Variants in GALNT17 observed in about 807,000 individuals in gnomAD.
The protein encoded by GALNT17 is UDP-GalNAc:polypeptide N-acetylgalactosaminyltransferase-like 3.
Under a neutral mutation model 63.7 loss-of-function variants are expected in GALNT17, and 29 were observed. The ratio of observed to expected loss-of-function variants is 0.46; its 90% CI spans 0.34 to 0.62. GALNT17 has a LOEUF of 0.62. Ranked by LOEUF, GALNT17 falls within the 20% of genes least tolerant of loss-of-function variation. The pLI, the probability that GALNT17 is intolerant of heterozygous loss-of-function variation, is 0.01. For synonymous variants in GALNT17, 305 were observed against 318.3 expected (o/e 0.96, Z 0.45); for missense variants, 603 against 799.6 (o/e 0.75, Z 2.97).
rs556071428 is a variant in GALNT17 at position 71,567,610 on chromosome 7, G to A, written c.963-3675G>A. Among the ~76,000 whole-genome samples the A allele has an allele frequency of 4.6e-5, 7 of 152,254 alleles. No homozygotes were observed. In the South Asian group the frequency reaches 1.5e-3, roughly 32 times the overall value. On this transcript the variant is annotated intron_variant, in intron 5 of 10. Transcript: ENST00000333538. The stretch of plus-strand genomic sequence containing the variant: ...CTCCTCAATAGCTGGGGTTACAGGT[G>A]CACACCACCACGCCCAGCTAATTTT...
intron 1 of GALNT17, among the ~76,000 whole-genome samples, chr7:71,159,681 TGTGAGCCCCC>T (rs954541528): frequency 2.4e-4 from 36 of 148,836 alleles, no homozygotes; most frequent in African/African-American, 8.1e-4. Context: ...GCTTACCACT[TGTGAGCCCCC>T]AACATGCCTG....
intron 3 of GALNT17, among the ~76,000 whole-genome samples, chr7:71,395,953 A>T (rs1583916721): frequency 6.6e-6 from 1 of 152,150 alleles, no homozygotes; most frequent in Non-Finnish European, 1.5e-5. Context: ...TTGACTTTTT[A>T]AATTATTGAC....
chr7:71,163,383 T>A (rs1788382939), intron 1 of GALNT17, among the ~76,000 whole-genome samples: 1 of 152,138 alleles, frequency 6.6e-6, no homozygotes, highest in South Asian at 2.1e-4. Flanking sequence ...GCTTTGCCTA[T>A]GAGGTTGCTA....
intron 9 of GALNT17, among the ~76,000 whole-genome samples, chr7:71,695,715 A>G (rs1791529601): frequency 6.6e-6 from 1 of 152,120 alleles, no homozygotes; most frequent in Non-Finnish European, 1.5e-5. Flanking sequence ...CCACTGTGAG[A>G]CATTTATTTT....
intron 3 of GALNT17, among the ~76,000 whole-genome samples, chr7:71,409,070 T>A (rs559956163): frequency 1.5e-4 from 22 of 144,900 alleles, no homozygotes; most frequent in Non-Finnish European, 2.9e-4. Flanking sequence ...ATATCTATAT[T>A]TTAAAAGATT....
At chr7:71,433,014 T>C (rs1025200563) in intron 5 of GALNT17, among the ~76,000 whole-genome samples, 1 of 152,170 alleles carries the variant, frequency 6.6e-6, no homozygotes, top group Non-Finnish European at 1.5e-5. Context: ...TTTCACCATG[T>C]TGGCCAGGCT....
At chr7:71,565,567 G>C (rs1789329613) in intron 5 of GALNT17, among the ~76,000 whole-genome samples, 1 of 146,752 alleles carries the variant, frequency 6.8e-6, no homozygotes, top group African/African-American at 2.5e-5. Flanking sequence ...GCATCATGGT[G>C]CTCTTCCCTA....
chr7:71,634,121 G>T (rs1259096144), intron 6 of GALNT17, among the ~76,000 whole-genome samples: 1 of 152,116 alleles, frequency 6.6e-6, no homozygotes, highest in African/African-American at 2.4e-5. Context: ...GCAACCCTCA[G>T]CCCCCTCCTT....
At position 71,257,240 on chromosome 7, in the gene GALNT17, C is replaced by T. The variant is rs79012424; in HGVS notation, c.239-78310C>T. ...TCATTCTGCATCCTCATTTTTCACACGAGTTGTCTTATTATTCTTAACTAT... is the reference window on the plus strand; with the variant it reads ...TCATTCTGCATCCTCATTTTTCACATGAGTTGTCTTATTATTCTTAACTAT... On this transcript the variant is annotated intron_variant, in intron 1 of 10. Transcript: ENST00000333538. Among the ~76,000 whole-genome samples, 492 of 152,158 alleles carry T rather than the reference C, an allele frequency of 3.2e-3. 5 individuals carry two copies. The highest frequency in any genetic ancestry group is 0.011 in the African/African-American group (475 of 41,502).
rs561472515 is a variant in GALNT17 at position 71,402,597 on chromosome 7, A to G, written c.590-13292A>G. Among the ~76,000 whole-genome samples the G allele has an allele frequency of 3.9e-5, 6 of 152,028 alleles. 1 individual carries two copies. In the South Asian group the frequency reaches 1.2e-3, roughly 32 times the overall value. ...TTCTTGATGATTTGGACAGTTGTAC[A>G]TCTTGTCACTAATACTTCCCTGTAC... On this transcript the variant is annotated intron_variant, in intron 3 of 10. Transcript: ENST00000333538.
chr7:71,698,871 A>AT (rs1791583508), intron 9 of GALNT17, among the ~76,000 whole-genome samples: 1 of 152,152 alleles, frequency 6.6e-6, no homozygotes, highest in Non-Finnish European at 1.5e-5. Context: ...CAAGAGACAC[A>AT]TAAAAAACCT....
chr7:71,255,571 C>T (rs1321205627), intron 1 of GALNT17, among the ~76,000 whole-genome samples: 1 of 152,234 alleles, frequency 6.6e-6, no homozygotes, highest in African/African-American at 2.4e-5. Context: ...TTGCAGTTTA[C>T]TGGGACGGTA....
intron 1 of GALNT17, among the ~76,000 whole-genome samples, chr7:71,278,735 T>C (rs1348305049): frequency 6.6e-6 from 1 of 152,010 alleles, no homozygotes; most frequent in Non-Finnish European, 1.5e-5. Context: ...ACCATAGATC[T>C]CATGAGAACT....
chr7:71,348,360 G>C (rs1028429308), intron 2 of GALNT17, among the ~76,000 whole-genome samples: 1 of 152,154 alleles, frequency 6.6e-6, no homozygotes, highest in Non-Finnish European at 1.5e-5. Flanking sequence ...TTATGAATTG[G>C]CAATGTTAAT....
chr7:71,662,953 A>T (rs898236475), intron 6 of GALNT17, among the ~76,000 whole-genome samples: 1 of 152,128 alleles, frequency 6.6e-6, no homozygotes, highest in African/African-American at 2.4e-5. Flanking sequence ...TTTGTTGAAG[A>T]TATTATTCCT....
In GALNT17 at chr7:71,239,746, G is replaced by A. The variant is rs555481566; in HGVS notation, c.239-95804G>A. ...CCAAAGTAGGGACACAGACAAGCTG[G>A]GACATGTGACGAGGCTCTGGAAAAC... On this transcript the variant is annotated intron_variant, in intron 1 of 10. Transcript: ENST00000333538. 3.9e-5 allele frequency among the ~76,000 whole-genome samples: 6 copies of A among 152,226 alleles called. No homozygotes were observed. The South Asian group carries it at 1.0e-3, about 26-fold the overall frequency.
chr7:71,232,399 A>G (rs1158180459), intron 1 of GALNT17, among the ~76,000 whole-genome samples: 1 of 152,118 alleles, frequency 6.6e-6, no homozygotes, highest in Non-Finnish European at 1.5e-5. Flanking sequence ...CTCTACTGCC[A>G]CTGACCATTC....
intron 4 of GALNT17, among the ~76,000 whole-genome samples, chr7:71,419,642 A>T (rs1786623633): frequency 6.6e-6 from 1 of 152,078 alleles, no homozygotes; most frequent in African/African-American, 2.4e-5. Context: ...GAGGTGTGGG[A>T]GGTGGTACTT....
rs576891963 is a variant in GALNT17 at position 71,374,520 on chromosome 7, G to A, written c.423-13715G>A. On this transcript the variant is annotated intron_variant, in intron 2 of 10. Transcript: ENST00000333538. ...GGCTCACGCTTGGAGCTGGTACGTAGCTCTTCACCTGGTCAAAGCAAGCTA... is the reference window on the plus strand; with the variant it reads ...GGCTCACGCTTGGAGCTGGTACGTAACTCTTCACCTGGTCAAAGCAAGCTA... 9.2e-5 allele frequency among the ~76,000 whole-genome samples: 14 copies of A among 152,320 alleles called. No individual in the cohort carries two copies. In the South Asian group the frequency reaches 2.7e-3, roughly 29 times the overall value.
Sources: gnomAD v4.1 joint callset for allele counts (sites outside exome capture counted in the v4.1 genomes callset) on GRCh38, gnomAD v4.1.1 for gene constraint, MANE v1.5 for transcripts, NCBI Gene and HGNC (gene_info 2026-07-23, HGNC 2026-07-21) for gene names.